Variants in RASAL2 observed in about 807,000 individuals in gnomAD.
RASAL2 encodes ras GTPase-activating protein nGAP.
A neutral mutation model predicts 128.9 loss-of-function variants in RASAL2; 58 were observed. That is an observed-to-expected ratio of 0.45 (90% CI 0.36 to 0.56). RASAL2 has a LOEUF of 0.56. RASAL2 is among the 20% of genes least tolerant of loss of function. The pLI is 0.00. For missense variants in RASAL2, 1,360 were observed against 1,601.6 expected, an observed-to-expected ratio of 0.85 and a Z score of 2.57; for synonymous variants, 561 against 580.8, an observed-to-expected ratio of 0.97 and a Z score of 0.49.
At chr1:178,270,227 G>A (rs535732912) in intron 1 of RASAL2, among the ~76,000 whole-genome samples, 2 of 151,812 alleles carry the variant, frequency 1.3e-5, no homozygotes, top group African/African-American at 4.8e-5. Flanking sequence ...AATTTTGCTG[G>A]ACACTCGGGT....
Position 178,373,274 on chromosome 1 carries a change from C to CTTTTTTTTTTTTTTTTTTTT in RASAL2, c.458-16811_458-16810insTTTTTTTTTTTTTTTTTTTT. ...TCAATCTTAGCATTCTGTTTCTTTC[C>CTTTTTTTTTTTTTTTTTTTT]TTTTTTTTTTTTTTTGCAGTTTAGA... On this transcript the variant is annotated intron_variant, in intron 3 of 17. Transcript: ENST00000367649. Among the ~76,000 whole-genome samples the CTTTTTTTTTTTTTTTTTTTT allele has an allele frequency of 1.9e-3, 112 of 59,994 alleles. 15 individuals carry two copies. The highest frequency in any genetic ancestry group is 0.01 in the Middle Eastern group (1 of 96). The allele number at this position is 59,994 out of a possible 152,430, so 39.4% of individuals were successfully genotyped here. A position where few individuals can be genotyped will look rare whatever the true frequency, so the allele number is the denominator to read the frequency against.
intron 1 of RASAL2, among the ~76,000 whole-genome samples, chr1:178,259,261 G>C (rs981189256): frequency 1.3e-5 from 2 of 150,148 alleles, no homozygotes; most frequent in Non-Finnish European, 3.0e-5. Context: ...CTCCCGAGTA[G>C]CTGGGACTAC....
At chr1:178,431,855 T>C (rs1254129668) in intron 5 of RASAL2, among the ~76,000 whole-genome samples, 2 of 149,428 alleles carry the variant, frequency 1.3e-5, no homozygotes, top group Non-Finnish European at 3.0e-5. Context: ...TATATGTTTG[T>C]ATTTAAATAA....
At chr1:178,194,805 C>T (rs1662607111) in intron 1 of RASAL2, 1 of 152,418 alleles carries the variant, frequency 6.6e-6, no homozygotes, top group Admixed American at 6.5e-5. Context: ...CGATGAATGA[C>T]CAAACACTCT....
At chr1:178,184,228 A>G (rs1004076326) in intron 1 of RASAL2, among the ~76,000 whole-genome samples, 1 of 152,082 alleles carries the variant, frequency 6.6e-6, no homozygotes, top group Non-Finnish European at 1.5e-5. Flanking sequence ...TGTTTTGCAG[A>G]TATTTTCTTC....
intron 3 of RASAL2, among the ~76,000 whole-genome samples, chr1:178,336,934 C>G (rs6687038): frequency 6.6e-6 from 1 of 151,742 alleles, no homozygotes; most frequent in Non-Finnish European, 1.5e-5. Flanking sequence ...TTGTATTTTC[C>G]CATTTAGATT....
chr1:178,108,082 G>A (rs950086965), intron 1 of RASAL2, among the ~76,000 whole-genome samples: 1 of 152,132 alleles, frequency 6.6e-6, no homozygotes, highest in African/African-American at 2.4e-5. Flanking sequence ...AGCAATGCAC[G>A]AGGGTTCCAG....
intron 1 of RASAL2, among the ~76,000 whole-genome samples, chr1:178,198,708 TG>T (rs1662760178): frequency 6.6e-6 from 1 of 152,142 alleles, no homozygotes; most frequent in Non-Finnish European, 1.5e-5. Flanking sequence ...GAGGGGCACC[TG>T]GTTGTATGAG....
intron 4 of RASAL2, among the ~76,000 whole-genome samples, chr1:178,397,636 G>T (rs868420133): frequency 6.6e-6 from 1 of 151,410 alleles, no homozygotes; most frequent in African/African-American, 2.4e-5. Flanking sequence ...TTTAGATAGG[G>T]TCTCGCTGTG....
intron 12 of RASAL2, chr1:178,456,377 C>T (rs565412897): frequency 6.2e-6 from 2 of 323,794 alleles, no homozygotes; most frequent in East Asian, 6.1e-5. Flanking sequence ...GATCTACTAG[C>T]CTCCCAAAGA....
At chr1:178,445,314 G>A (rs1277464069) in intron 8 of RASAL2, among the ~76,000 whole-genome samples, 3 of 152,128 alleles carry the variant, frequency 2.0e-5, no homozygotes, top group African/African-American at 7.2e-5. Context: ...TATCAAAAGT[G>A]CAATGGAAAA....
intron 2 of RASAL2, among the ~76,000 whole-genome samples, chr1:178,296,085 GTGTGTGTATATATATGTGTATATA>G (rs1667488897): frequency 2.0e-5 from 3 of 151,436 alleles, no homozygotes; most frequent in Admixed American, 1.3e-4. Flanking sequence ...GTGTATATAT[GTGTGTGTATATATATGTGTATATA>G]TGTGTGTATA....
chr1:178,236,889 G>A (rs1664273557), intron 1 of RASAL2, among the ~76,000 whole-genome samples: 1 of 150,930 alleles, frequency 6.6e-6, no homozygotes, highest in Non-Finnish European at 1.5e-5. Context: ...TCAGCCTCCT[G>A]AGTAGCTGGG....
chr1:178,155,527 T>C (rs189977217), intron 1 of RASAL2, among the ~76,000 whole-genome samples: 2 of 152,122 alleles, frequency 1.3e-5, no homozygotes, highest in Admixed American at 1.3e-4. Context: ...TTACATTGCC[T>C]TAAAAAAAAT....
intron 2 of RASAL2, among the ~76,000 whole-genome samples, chr1:178,284,604 G>C (rs981081863): frequency 6.6e-6 from 1 of 152,082 alleles, no homozygotes; most frequent in African/African-American, 2.4e-5. Flanking sequence ...TCCTCAAACT[G>C]TTACAGTTTA....
chr1:178,325,962 G>A (rs117748908), intron 3 of RASAL2, among the ~76,000 whole-genome samples: 1 of 152,142 alleles, frequency 6.6e-6, no homozygotes, highest in East Asian at 1.9e-4. Context: ...ATGTTGGTGT[G>A]TGCCTGTAGT....
intron 1 of RASAL2, among the ~76,000 whole-genome samples, chr1:178,155,240 A>G (rs1183302453): frequency 6.6e-6 from 1 of 152,166 alleles, no homozygotes; most frequent in African/African-American, 2.4e-5. Flanking sequence ...AAAATACTGT[A>G]ATATTCTAAA....
chr1:178,360,511 G>A (rs537628937), intron 3 of RASAL2, among the ~76,000 whole-genome samples: 22 of 152,280 alleles, frequency 1.4e-4, no homozygotes, highest in African/African-American at 4.3e-4. Context: ...CAGCATCCAC[G>A]ATATAGACCT....
intron 4 of RASAL2, among the ~76,000 whole-genome samples, chr1:178,396,961 AC>A (rs1457324745): frequency 1.3e-5 from 2 of 152,190 alleles, no homozygotes; most frequent in African/African-American, 2.4e-5. Flanking sequence ...ACAATGAAAT[AC>A]CACTTGATGC....
Sources: gnomAD v4.1 joint callset for allele counts (sites outside exome capture counted in the v4.1 genomes callset) on GRCh38, gnomAD v4.1.1 for gene constraint, MANE v1.5 for transcripts, NCBI Gene and HGNC (gene_info 2026-07-23, HGNC 2026-07-21) for gene names.